Variants in CAMK1D observed in about 807,000 individuals in gnomAD.
CAMK1D encodes calcium/calmodulin dependent protein kinase ID.
Under a neutral mutation model 47.7 loss-of-function variants are expected in CAMK1D, and 9 were observed. That is an observed-to-expected ratio of 0.19 (90% CI 0.11 to 0.33). CAMK1D has a LOEUF of 0.33. Among genes scored for constraint, CAMK1D ranks in the 10% least tolerant of loss-of-function variants. The probability of loss-of-function intolerance (pLI) is 1.00; values close to 1 mark genes in which losing one functional copy is unlikely to be tolerated. For synonymous variants in CAMK1D, 184 were observed against 184.9 expected (o/e 0.99, Z 0.04); for missense variants, 291 against 488.7 (o/e 0.60, Z 3.81).
At chr10:12,395,014 C>T (rs1240052622) in intron 1 of CAMK1D, among the ~76,000 whole-genome samples, 2 of 151,016 alleles carry the variant, frequency 1.3e-5, no homozygotes, top group Non-Finnish European at 3.0e-5. Context: ...CACTTTGTAG[C>T]TGCTTACTGA....
intron 3 of CAMK1D, among the ~76,000 whole-genome samples, chr10:12,679,999 G>A (rs949483937): frequency 6.6e-6 from 1 of 152,130 alleles, no homozygotes; most frequent in African/African-American, 2.4e-5. Flanking sequence ...CATCCCAGAA[G>A]CCCCAGCCAC....
At chr10:12,493,705 G>T (rs1392312036) in intron 1 of CAMK1D, among the ~76,000 whole-genome samples, 1 of 152,140 alleles carries the variant, frequency 6.6e-6, no homozygotes, top group Non-Finnish European at 1.5e-5. Context: ...TGTTGGCCAG[G>T]CTGGTCTCGA....
rs182193693 is a variant in CAMK1D at position 12,365,123 on chromosome 10, A to G, written c.92+15213A>G. ...AGGTATACACCACCACGCCAGGCTA[A>G]TTTTGTATGTTCAATAGAGACAGGG... On this transcript the variant is annotated intron_variant, in intron 1 of 10. Transcript: ENST00000619168. 2.7e-3 allele frequency among the ~76,000 whole-genome samples: 408 copies of G among 151,852 alleles called. 2 individuals carry two copies. The highest frequency in any genetic ancestry group is 9.2e-3 in the African/African-American group (382 of 41,418).
At chr10:12,507,539 G>A (rs758612590) in intron 1 of CAMK1D, among the ~76,000 whole-genome samples, 1 of 152,112 alleles carries the variant, frequency 6.6e-6, no homozygotes, top group Non-Finnish European at 1.5e-5. Context: ...GACAGAGGGC[G>A]AGTGGGTGAT....
chr10:12,442,041 A>G (rs1319365703), intron 1 of CAMK1D, among the ~76,000 whole-genome samples: 1 of 152,258 alleles, frequency 6.6e-6, no homozygotes, highest in Admixed American at 6.5e-5. Context: ...TTCAAGTTAT[A>G]AAAGACAATC....
intron 5 of CAMK1D, among the ~76,000 whole-genome samples, chr10:12,771,091 G>A (rs1162192625): frequency 6.6e-6 from 1 of 152,010 alleles, no homozygotes; most frequent in Non-Finnish European, 1.5e-5. Flanking sequence ...CACCATGTCA[G>A]GCTAATTTTT....
chr10:12,581,310 C>T (rs1331353472), intron 2 of CAMK1D, among the ~76,000 whole-genome samples: 3 of 152,100 alleles, frequency 2.0e-5, no homozygotes, highest in Non-Finnish European at 4.4e-5. Context: ...TGAGCTGGTT[C>T]CATATTTTTG....
chr10:12,516,559 G>T lies in CAMK1D; in HGVS notation c.93-36666G>T, dbSNP rs573365447. Among the ~76,000 whole-genome samples, 274 of 152,320 alleles carry T rather than the reference G, an allele frequency of 1.8e-3. 1 individual carries two copies. The highest frequency in any genetic ancestry group is 3.0e-3 in the Non-Finnish European group (204 of 68,034). On this transcript the variant is annotated intron_variant, in intron 1 of 10. Transcript: ENST00000619168. Reference sequence around the variant, plus strand: ...TATTTATTGAACCTTGTCAGAAATTGCTAAACTGTTTTCCAAAGCATCTAT... The same window carrying T: ...TATTTATTGAACCTTGTCAGAAATTTCTAAACTGTTTTCCAAAGCATCTAT...
At chr10:12,731,876 C>T (rs762093497) in intron 3 of CAMK1D, among the ~76,000 whole-genome samples, 3 of 151,992 alleles carry the variant, frequency 2.0e-5, no homozygotes, top group Non-Finnish European at 4.4e-5. Flanking sequence ...CTGATAATGA[C>T]GAGGTCTAGG....
chr10:12,615,054 G>A (rs940078815), intron 2 of CAMK1D, among the ~76,000 whole-genome samples: 1 of 152,208 alleles, frequency 6.6e-6, no homozygotes, highest in Non-Finnish European at 1.5e-5. Context: ...CTGGGAGCTG[G>A]AGGACTGATA....
At chr10:12,766,235 G>A (rs1213081298) in intron 4 of CAMK1D, among the ~76,000 whole-genome samples, 2 of 152,026 alleles carry the variant, frequency 1.3e-5, no homozygotes, top group Non-Finnish European at 2.9e-5. Flanking sequence ...AAAGTCCAAA[G>A]TGCTGGGATT....
At chr10:12,746,832 G>A (rs1024436277) in intron 3 of CAMK1D, among the ~76,000 whole-genome samples, 3 of 152,118 alleles carry the variant, frequency 2.0e-5, no homozygotes, top group Admixed American at 6.6e-5. Context: ...ACTAAAAGGC[G>A]TCTGAGGTTC....
At chr10:12,437,384 G>A (rs549896882) in intron 1 of CAMK1D, among the ~76,000 whole-genome samples, 1 of 152,186 alleles carries the variant, frequency 6.6e-6, no homozygotes, top group African/African-American at 2.4e-5. Flanking sequence ...TAGTGGAGAC[G>A]GGGTTTCACC....
chr10:12,627,078 A>ATT (rs71386106), intron 2 of CAMK1D, among the ~76,000 whole-genome samples: 11 of 104,412 alleles, frequency 1.1e-4, no homozygotes, highest in Admixed American at 4.3e-4. Context: ...ATGGGCTATA[A>ATT]TTTTTTTTTT....
chr10:12,494,253 T>C (rs144619134), intron 1 of CAMK1D, among the ~76,000 whole-genome samples: 2 of 152,334 alleles, frequency 1.3e-5, no homozygotes, highest in Admixed American at 1.3e-4. Context: ...ACTTTAGTTA[T>C]AGAGCCAGAT....
chr10:12,467,787 T>C (rs1423480461), intron 1 of CAMK1D, among the ~76,000 whole-genome samples: 1 of 152,152 alleles, frequency 6.6e-6, no homozygotes, highest in Non-Finnish European at 1.5e-5. Flanking sequence ...TGTGTAATCA[T>C]TTGTAGGTAG....
intron 6 of CAMK1D, among the ~76,000 whole-genome samples, chr10:12,805,160 G>T (rs1277298906): frequency 1.3e-5 from 2 of 150,852 alleles, no homozygotes; most frequent in Non-Finnish European, 2.9e-5. Flanking sequence ...TCGGGAGGCT[G>T]AGGCAGGAGA....
intron 3 of CAMK1D, among the ~76,000 whole-genome samples, chr10:12,702,526 A>G (rs1445418735): frequency 6.6e-6 from 1 of 152,234 alleles, no homozygotes; most frequent in East Asian, 1.9e-4. Flanking sequence ...GCAAGTTCCT[A>G]GGAATAACAG....
chr10:12,509,087 T>C (rs936479843), intron 1 of CAMK1D, among the ~76,000 whole-genome samples: 2 of 152,190 alleles, frequency 1.3e-5, no homozygotes, highest in Non-Finnish European at 2.9e-5. Flanking sequence ...CATTTTGTCT[T>C]GTGCAGAGAG....
Sources: allele counts gnomAD v4.1 joint callset (sites outside exome capture counted in the v4.1 genomes callset), GRCh38; gene constraint gnomAD v4.1.1; transcripts MANE v1.5; gene names NCBI Gene and HGNC (gene_info 2026-07-23, HGNC 2026-07-21).